The following ATRNL1 variants were observed in gnomAD, a reference collection of about 807,000 sequenced individuals.
ATRNL1 encodes the protein attractin-like protein 1.
Under a neutral mutation model 182.7 loss-of-function variants are expected in ATRNL1, and 95 were observed. The ratio of observed to expected loss-of-function variants is 0.52; its 90% CI spans 0.44 to 0.62. ATRNL1 has a LOEUF of 0.62. Ranked by LOEUF, ATRNL1 falls within the 20% of genes least tolerant of loss-of-function variation. The pLI, the probability that ATRNL1 is intolerant of heterozygous loss-of-function variation, is 0.00. For synonymous variants in ATRNL1, 576 were observed against 568.3 expected, an observed-to-expected ratio of 1.01 and a Z score of -0.19; for missense variants, 1,471 against 1,679.5, an observed-to-expected ratio of 0.88 and a Z score of 2.17.
At chr10:115,687,309 T>C (rs1480572308) in intron 26 of ATRNL1, among the ~76,000 whole-genome samples, 2 of 152,184 alleles carry the variant, frequency 1.3e-5, no homozygotes, top group East Asian at 3.9e-4. Flanking sequence ...CATTCTACTC[T>C]CTTGCTTCTA....
intron 18 of ATRNL1, among the ~76,000 whole-genome samples, chr10:115,316,329 G>A (rs144683876): frequency 0.015 from 2,227 of 152,222 alleles, 38 homozygotes; most frequent in African/African-American, 0.044. Context: ...TGGTGTATAC[G>A]AACCACATTT....
At chr10:115,657,505 G>T (rs1860401705) in intron 26 of ATRNL1, among the ~76,000 whole-genome samples, 1 of 152,180 alleles carries the variant, frequency 6.6e-6, no homozygotes, top group African/African-American at 2.4e-5. Context: ...TGTGCAAAAT[G>T]TACTTAGTAT....
chr10:115,707,660 T>A (rs541657797), intron 26 of ATRNL1, among the ~76,000 whole-genome samples: 1 of 151,874 alleles, frequency 6.6e-6, no homozygotes, highest in South Asian at 2.1e-4. Context: ...ATTCTTAACA[T>A]TTTCCAATGT....
chr10:115,384,359 G>C (rs1188296445), intron 19 of ATRNL1, among the ~76,000 whole-genome samples: 1 of 151,894 alleles, frequency 6.6e-6, no homozygotes, highest in Non-Finnish European at 1.5e-5. Flanking sequence ...AGTTTCCACT[G>C]TATCTCCTCC....
chr10:115,110,582 A>G (rs1430031984), intron 1 of ATRNL1, among the ~76,000 whole-genome samples: 7 of 152,156 alleles, frequency 4.6e-5, no homozygotes, highest in Non-Finnish European at 7.3e-5. Flanking sequence ...ATCTGAGTCT[A>G]TAGGGACTTC....
chr10:115,461,770 C>G (rs963338099), intron 21 of ATRNL1, among the ~76,000 whole-genome samples, 171 bp from the exon 22 acceptor site: 4 of 151,834 alleles, frequency 2.6e-5, no homozygotes, highest in Admixed American at 2.6e-4. Context: ...CTATGTTTTG[C>G]TTTTTGTTGA....
At chr10:115,267,140 A>G (rs920754298) in intron 12 of ATRNL1, 135 bp downstream of exon 12, 1 of 600,656 alleles carries the variant, frequency 1.7e-6, no homozygotes, top group Non-Finnish European at 2.9e-6. Context: ...TAGGAATTCT[A>G]ATGTTTGAAC....
At chr10:115,626,155 C>T (rs1033011452) in intron 26 of ATRNL1, among the ~76,000 whole-genome samples, 3 of 152,178 alleles carry the variant, frequency 2.0e-5, no homozygotes, top group African/African-American at 4.8e-5. Context: ...CACACACACT[C>T]ATATACATAC....
chr10:115,404,178 TGTTA>T (rs1844713729), intron 20 of ATRNL1, among the ~76,000 whole-genome samples: 2 of 152,344 alleles, frequency 1.3e-5, no homozygotes, highest in East Asian at 3.9e-4. Context: ...CAAAGTTAAA[TGTTA>T]GTTCTCCCAT....
At chr10:115,670,548 C>T (rs1297296133) in intron 26 of ATRNL1, among the ~76,000 whole-genome samples, 2 of 152,102 alleles carry the variant, frequency 1.3e-5, no homozygotes, top group Non-Finnish European at 2.9e-5. Flanking sequence ...AAGACTCTAA[C>T]ACTATCTTAA....
chr10:115,912,416 T>TTGTGTG (rs35956227), intron 28 of ATRNL1, among the ~76,000 whole-genome samples: 171 of 148,194 alleles, frequency 1.2e-3, no homozygotes, highest in Non-Finnish European at 1.8e-3. Context: ...ATATATATAT[T>TTGTGTG]TGTGTGTGTG....
intron 8 of ATRNL1, among the ~76,000 whole-genome samples, chr10:115,175,158 C>G (rs145631204): frequency 1.3e-3 from 199 of 152,124 alleles, no homozygotes; most frequent in African/African-American, 4.5e-3. Flanking sequence ...TAGTATATGT[C>G]ATCCTTACTG....
chr10:115,430,797 C>T (rs1462807808), intron 21 of ATRNL1, among the ~76,000 whole-genome samples: 2 of 152,058 alleles, frequency 1.3e-5, no homozygotes, highest in African/African-American at 4.8e-5. Context: ...TTGTTTGTCA[C>T]AACAGGGGAG....
In ATRNL1 at chr10:115,160,210, C is replaced by G. The variant is rs1554882955; in HGVS notation, c.1000C>G (p.Leu334Val). ...TAACTACAGTTCTTTTCAAATGGTCCTAAAGTAAGTATTTATTTTCAGATT... is the reference window on the plus strand; with the variant it reads ...TAACTACAGTTCTTTTCAAATGGTCGTAAAGTAAGTATTTATTTTCAGATT... ...TFNYSSFQMV[L>V]NYNLESSIWN... is the part of the protein sequence containing the mutation. Residue 334 changes from leucine (L) to valine (V), a missense_variant, in exon 6 of 29, where the codon CTA becomes GTA. This residue lies in a region of ATRNL1 where 1,031 missense variants were observed against 1,156.0 expected (regional missense o/e 0.89). Coordinates refer to ENST00000355044, the MANE Select transcript of ATRNL1 (RefSeq NM_207303.4). The G allele has an allele frequency of 1.3e-6, 2 of 1,596,600 alleles. No individual in the cohort carries two copies. The highest frequency in any genetic ancestry group is 1.7e-5 in the Admixed American group (1 of 57,896).
intron 5 of ATRNL1, among the ~76,000 whole-genome samples, chr10:115,147,243 A>T (rs1466544889): frequency 2.0e-5 from 3 of 152,048 alleles, no homozygotes; most frequent in African/African-American, 7.2e-5. Flanking sequence ...ACTATTTTTC[A>T]TGTACCTGTT....
chr10:115,536,572 G>A (rs1169527153), intron 25 of ATRNL1, among the ~76,000 whole-genome samples: 2 of 152,172 alleles, frequency 1.3e-5, no homozygotes, highest in Non-Finnish European at 2.9e-5. Context: ...CCCAAGTGAG[G>A]CAATGCCTCG....
At chr10:115,105,378 G>A (rs367749900) in intron 1 of ATRNL1, among the ~76,000 whole-genome samples, 1 of 152,116 alleles carries the variant, frequency 6.6e-6, no homozygotes, top group Non-Finnish European at 1.5e-5. Flanking sequence ...GGGAAACAGA[G>A]CATAAAAATT....
At chr10:115,455,179 A>G (rs1847461796) in intron 21 of ATRNL1, among the ~76,000 whole-genome samples, 1 of 152,120 alleles carries the variant, frequency 6.6e-6, no homozygotes, top group Admixed American at 6.6e-5. Flanking sequence ...CTGTTAATGT[A>G]GTGTATCACA....
At chr10:115,625,348 T>G (rs1858025194) in intron 26 of ATRNL1, among the ~76,000 whole-genome samples, 1 of 152,168 alleles carries the variant, frequency 6.6e-6, no homozygotes, top group Admixed American at 6.6e-5. Context: ...GATGGAATTT[T>G]TTACTTTGGA....
Sources: allele counts gnomAD v4.1 joint callset (sites outside exome capture counted in the v4.1 genomes callset), GRCh38; gene constraint gnomAD v4.1.1; regional missense constraint gnomAD v4.1.1; transcripts MANE v1.5; gene names NCBI Gene and HGNC (gene_info 2026-07-23, HGNC 2026-07-21).